The following AP3S1 variants were observed in gnomAD, a reference collection of about 807,000 sequenced individuals.
AP3S1 encodes the protein adaptor related protein complex 3 subunit sigma 1, also known as AP-3 complex subunit sigma-1.
In AP3S1, 12 loss-of-function variants were observed where a neutral mutation model predicts 21.3. That is an observed-to-expected ratio of 0.56 (90% CI 0.36 to 0.91). The LOEUF (loss-of-function observed/expected upper bound fraction) is 0.91. AP3S1 is among the 40% of genes least tolerant of loss of function. AP3S1 has a pLI of 0.01. For synonymous variants in AP3S1, 48 were observed against 78.4 expected (o/e 0.61, Z 2.05); for missense variants, 116 against 225.0 (o/e 0.52, Z 3.10).
rs759932694 is a variant in AP3S1, at chr5:115,866,651, A to G, written c.70-19A>G. 2.6e-6 allele frequency: 4 copies of G among 1,531,570 alleles called. No individual in the cohort carries two copies. The highest frequency in any genetic ancestry group is 2.3e-5 in the South Asian group (2 of 85,212). The allele number at this position is 1,531,570 out of a possible 1,614,324, so 94.9% of individuals were successfully genotyped here. On this transcript the variant is annotated intron_variant, in intron 1 of 5. Transcript: ENST00000316788. ...ACCTATACACTCCATCCTAATATAT[A>G]TGAATTATTCTTCCTCAGAGTGAAG...
intron 5 of AP3S1, among the ~76,000 whole-genome samples, chr5:115,910,371 A>G (rs1561533074): frequency 6.6e-6 from 1 of 152,180 alleles, no homozygotes; most frequent in Non-Finnish European, 1.5e-5. Flanking sequence ...GGGTAAATGA[A>G]ACCATGGAAA....
At chr5:115,865,422 A>G (rs1369461028) in intron 1 of AP3S1, among the ~76,000 whole-genome samples, 1 of 152,174 alleles carries the variant, frequency 6.6e-6, no homozygotes, top group East Asian at 1.9e-4. Flanking sequence ...TTCAAGGGTC[A>G]ACTGTCTATG....
intron 2 of AP3S1, among the ~76,000 whole-genome samples, chr5:115,868,042 C>T (rs1036957572): frequency 6.6e-6 from 1 of 152,088 alleles, no homozygotes; most frequent in African/African-American, 2.4e-5. Context: ...TCAGTTTTCT[C>T]CTCTATAAAA....
intron 5 of AP3S1, chr5:115,906,788 C>A: frequency 6.9e-7 from 1 of 1,446,890 alleles, no homozygotes; most frequent in Non-Finnish European, 9.1e-7. Context: ...ACATCCTGAT[C>A]TTTCTAGCTC....
intron 3 of AP3S1, among the ~76,000 whole-genome samples, chr5:115,891,180 C>T (rs1433172654): frequency 1.3e-5 from 2 of 152,040 alleles, no homozygotes; most frequent in African/African-American, 2.4e-5. Flanking sequence ...TTTTACCTAC[C>T]AAAAAATTAA....
intron 3 of AP3S1, among the ~76,000 whole-genome samples, chr5:115,871,435 C>G (rs759960640): frequency 6.6e-6 from 1 of 152,182 alleles, no homozygotes; most frequent in African/African-American, 2.4e-5. Flanking sequence ...TCCACTCCAT[C>G]TCACTATGTA....
intron 1 of AP3S1, among the ~76,000 whole-genome samples, chr5:115,860,145 A>G (rs1241750335): frequency 3.9e-5 from 6 of 152,076 alleles, no homozygotes; most frequent in Admixed American, 3.3e-4. Flanking sequence ...TCCATTCTCC[A>G]TGTTCATAGC....
At chr5:115,854,678 TC>T (rs1456907896) in intron 1 of AP3S1, among the ~76,000 whole-genome samples, 3 of 149,706 alleles carry the variant, frequency 2.0e-5, no homozygotes, top group African/African-American at 7.6e-5. Flanking sequence ...CTCAGATATC[TC>T]TTTTTTTTTT....
intron 5 of AP3S1, among the ~76,000 whole-genome samples, chr5:115,904,874 T>G (rs1022534994): frequency 2.0e-5 from 3 of 152,212 alleles, no homozygotes; most frequent in Non-Finnish European, 4.4e-5. Context: ...CTTTAATAAC[T>G]GGTATAAATG....
chr5:115,873,917 A>G (rs1748489166), intron 3 of AP3S1, among the ~76,000 whole-genome samples: 1 of 152,170 alleles, frequency 6.6e-6, no homozygotes, highest in Non-Finnish European at 1.5e-5. Context: ...TATTTTAAAT[A>G]TCAAAGTGAT....
At chr5:115,858,464 G>C (rs1762945418) in intron 1 of AP3S1, among the ~76,000 whole-genome samples, 1 of 152,120 alleles carries the variant, frequency 6.6e-6, no homozygotes, top group African/African-American at 2.4e-5. Flanking sequence ...TTTGGGCAGA[G>C]TTTCTACAGT....
intron 2 of AP3S1, among the ~76,000 whole-genome samples, chr5:115,869,581 A>G (rs573684214): frequency 7.2e-5 from 11 of 152,146 alleles, no homozygotes; most frequent in Non-Finnish European, 1.6e-4. Flanking sequence ...ATTTTTTCCA[A>G]GCCAACTCCT....
intron 3 of AP3S1, among the ~76,000 whole-genome samples, chr5:115,873,542 T>G (rs1748456962): frequency 1.3e-5 from 2 of 152,174 alleles, no homozygotes; most frequent in African/African-American, 4.8e-5. Flanking sequence ...CAGGAACATG[T>G]TGGAAGTTCT....
intron 3 of AP3S1, among the ~76,000 whole-genome samples, chr5:115,894,536 A>C (rs565938860): frequency 6.6e-6 from 1 of 152,324 alleles, no homozygotes; most frequent in South Asian, 2.1e-4. Context: ...GCAGAGTTTG[A>C]GCAACGCAAG....
intron 1 of AP3S1, among the ~76,000 whole-genome samples, chr5:115,863,126 G>A (rs145417714): frequency 0.016 from 2,462 of 152,190 alleles, 68 homozygotes; most frequent in African/African-American, 0.056. Context: ...ATGGCTGGGC[G>A]TGGTGGCTCC....
chr5:115,900,173 A>G (rs1161459770), intron 4 of AP3S1, among the ~76,000 whole-genome samples: 1 of 152,232 alleles, frequency 6.6e-6, no homozygotes, highest in African/African-American at 2.4e-5. Context: ...CAGTTTATAT[A>G]GGAAAGGCCA....
At chr5:115,869,382 A>G (rs908148099) in intron 2 of AP3S1, among the ~76,000 whole-genome samples, 1 of 152,148 alleles carries the variant, frequency 6.6e-6, no homozygotes, top group African/African-American at 2.4e-5. Context: ...ACTGTGACGT[A>G]TGGAGTTAAA....
At chr5:115,898,542 CAG>C (rs1750952390) in intron 4 of AP3S1, 1 of 152,176 alleles carries the variant, frequency 6.6e-6, no homozygotes, top group Admixed American at 6.5e-5. Flanking sequence ...CTGGAGAAAA[CAG>C]AGAACAACAC....
At chr5:115,906,107 G>C (rs978837622) in intron 5 of AP3S1, among the ~76,000 whole-genome samples, 18 of 152,164 alleles carry the variant, frequency 1.2e-4, no homozygotes, top group African/African-American at 3.9e-4. Flanking sequence ...GCAGTGAGCT[G>C]ATATTGCACC....
Sources: allele counts gnomAD v4.1 joint callset (sites outside exome capture counted in the v4.1 genomes callset), GRCh38; gene constraint gnomAD v4.1.1; transcripts MANE v1.5; gene names NCBI Gene and HGNC (gene_info 2026-07-23, HGNC 2026-07-21).